The following VGLL4 variants were observed in gnomAD, a reference collection of about 807,000 sequenced individuals.
VGLL4 encodes the protein transcription cofactor vestigial-like protein 4.
Under a neutral mutation model 21.0 loss-of-function variants are expected in VGLL4, and 7 were observed. The observed-to-expected ratio is 0.33, with a 90% CI of 0.19 to 0.63. The LOEUF (loss-of-function observed/expected upper bound fraction) is 0.63, where lower values mean the gene tolerates loss of function less well. Ranked by LOEUF, VGLL4 falls within the 20% of genes least tolerant of loss-of-function variation. VGLL4 has a pLI of 0.78. For synonymous variants in VGLL4, 222 were observed against 173.2 expected, an observed-to-expected ratio of 1.28 and a Z score of -2.21; for missense variants, 394 against 425.7, an observed-to-expected ratio of 0.93 and a Z score of 0.66.
intron 2 of VGLL4, among the ~76,000 whole-genome samples, chr3:11,664,230 T>C (rs879177986): frequency 6.6e-6 from 1 of 151,758 alleles, no homozygotes; most frequent in Non-Finnish European, 1.5e-5. Flanking sequence ...AGATCAAGAG[T>C]CCGTCTCAAA....
At chr3:11,700,384 TA>T (rs1353443661) in intron 2 of VGLL4, among the ~76,000 whole-genome samples, 1 of 152,216 alleles carries the variant, frequency 6.6e-6, no homozygotes, top group Non-Finnish European at 1.5e-5. Context: ...CTACCTTATA[TA>T]AAAACTTCTA....
In VGLL4 at chr3:11,565,070, G is replaced by A; in HGVS notation, c.273-51C>T. 7.0e-7 allele frequency: 1 copy of A among 1,429,220 alleles called. No homozygotes were observed. Among genetic ancestry groups the A allele is most frequent in the Non-Finnish European group, 9.2e-7 (1 of 1,083,390 alleles). The allele number at this position is 1,429,220 out of a possible 1,614,324, so 88.5% of individuals were successfully genotyped here. ...GGGGCGTTTTCTCAAAGGCAAAGGG[G>A]ACAGTGACTGTGCGCCAGGCACTCC... On this transcript the variant is annotated intron_variant, in intron 2 of 4. Coordinates refer to ENST00000430365, the MANE Select transcript of VGLL4 (RefSeq NM_001128219.3). This position sits in a 1 kb window ranked among gnomAD's most constrained non-coding sequence, Gnocchi z 4.1.
rs183198143 is a variant in VGLL4, at chr3:11,599,232, C to T, written c.272+2601G>A. ...CAGAAGGACCTAACCACACGCCAAT[C>T]GCCTTTCCTCCTTACACTGTACACT... On this transcript the variant is annotated intron_variant, in intron 2 of 4. Transcript: ENST00000430365. Among the ~76,000 whole-genome samples, 11 of 152,160 alleles carry T rather than the reference C, an allele frequency of 7.2e-5. No homozygotes were observed. In the East Asian group the frequency reaches 9.7e-4, roughly 13 times the overall value.
intron 2 of VGLL4, among the ~76,000 whole-genome samples, chr3:11,661,033 C>A (rs1419215953): frequency 1.3e-5 from 2 of 152,134 alleles, no homozygotes; most frequent in African/African-American, 4.8e-5. Flanking sequence ...AGCCAAAATT[C>A]TTTACAAAAC....
chr3:11,637,376 C>T (rs999946662), intron 1 of VGLL4, among the ~76,000 whole-genome samples: 11 of 141,872 alleles, frequency 7.8e-5, no homozygotes, highest in Non-Finnish European at 4.6e-5. Flanking sequence ...GAATGGATAA[C>T]AAAATGGTAC....
intron 2 of VGLL4, among the ~76,000 whole-genome samples, chr3:11,566,687 C>T (rs2125140926): frequency 6.6e-6 from 1 of 152,302 alleles, no homozygotes; most frequent in Middle Eastern, 3.4e-3. Flanking sequence ...CCTCCCTCCT[C>T]CCCGTCCTGC....
At position 11,643,910 on chromosome 3, in the gene VGLL4, G is replaced by A. The variant is rs2075745314; in HGVS notation, c.-392C>T. The A allele has an allele frequency of 9.9e-7, 1 of 1,014,196 alleles. No homozygotes were observed. 62.8% of individuals were successfully genotyped at this position (1,014,196 alleles called of 1,614,324 possible). A position where few individuals can be genotyped will look rare whatever the true frequency, so the allele number is the denominator to read the frequency against. ...TGCAAGCCGGCAGCGCTGACATGAG[G>A]GCTATGCTTGGCATGACTCCTATGC... On this transcript the variant is annotated 5_prime_UTR_variant, in exon 1 of 5. Coordinates refer to ENST00000430365, the MANE Select transcript of VGLL4 (RefSeq NM_001128219.3).
chr3:11,564,709 C>A, intron 3 of VGLL4, 88 bp downstream of exon 3: 1 of 1,465,464 alleles, frequency 6.8e-7, no homozygotes, highest in South Asian at 1.2e-5. Context: ...TCACCACCGC[C>A]CTCGGAGTCC....
chr3:11,592,059 T>G (rs2074512564), intron 2 of VGLL4, among the ~76,000 whole-genome samples: 1 of 152,270 alleles, frequency 6.6e-6, no homozygotes, highest in South Asian at 2.1e-4. Flanking sequence ...ATTTCAGCAC[T>G]GACCCTACCA....
chr3:11,703,894 CACA>C (rs1264909353), intron 1 of VGLL4, among the ~76,000 whole-genome samples: 1 of 152,214 alleles, frequency 6.6e-6, no homozygotes, highest in Non-Finnish European at 1.5e-5. Flanking sequence ...ATGCACCGGT[CACA>C]ACATGTGGCA....
chr3:11,561,242 A>G (rs1198473490), intron 3 of VGLL4, among the ~76,000 whole-genome samples: 1 of 152,182 alleles, frequency 6.6e-6, no homozygotes, highest in Admixed American at 6.5e-5. Context: ...TTTCGAGCAC[A>G]GGGAGGGGGA....
chr3:11,659,446 C>T (rs2076005942), intron 2 of VGLL4, among the ~76,000 whole-genome samples: 1 of 151,086 alleles, frequency 6.6e-6, no homozygotes, highest in African/African-American at 2.4e-5. Flanking sequence ...ATTCTCCTGC[C>T]TCAGCCTCCC....
chr3:11,689,548 A>C (rs2076497605), intron 2 of VGLL4, among the ~76,000 whole-genome samples: 1 of 152,216 alleles, frequency 6.6e-6, no homozygotes, highest in South Asian at 2.1e-4. Context: ...AATCTCTTTG[A>C]AGATACCGAC....
rs1559842147 is a variant in VGLL4, at chr3:11,556,625, CG to C, written c.*1930del. 6.0e-5 allele frequency: 9 copies of C among 151,210 alleles called. No individual in the cohort carries two copies. The highest frequency in any genetic ancestry group is 2.2e-4 in the African/African-American group (9 of 40,988). 9.4% of individuals were successfully genotyped at this position (151,210 alleles called of 1,614,324 possible). A position where few individuals can be genotyped will look rare whatever the true frequency, so the allele number is the denominator to read the frequency against. ...AAAAAAAAGATCAACTTTTTTTTTCCGAACAACAAAAAAAATGAATGATTAC... is the reference window on the plus strand; with the variant it reads ...AAAAAAAAGATCAACTTTTTTTTTCCAACAACAAAAAAAATGAATGATTAC... On this transcript the variant is annotated 3_prime_UTR_variant, in exon 5 of 5. Transcript: ENST00000430365.
chr3:11,595,933 T>C (rs2074629714), intron 2 of VGLL4, among the ~76,000 whole-genome samples: 1 of 151,422 alleles, frequency 6.6e-6, no homozygotes, highest in African/African-American at 2.4e-5. Context: ...TGTATACACA[T>C]GTAACTAACC....
intron 2 of VGLL4, among the ~76,000 whole-genome samples, chr3:11,663,180 G>A (rs1261158296): frequency 6.6e-6 from 1 of 152,056 alleles, no homozygotes; most frequent in Non-Finnish European, 1.5e-5. Context: ...AGATAAAGGG[G>A]GCTGGAGGAT....
At chr3:11,672,052 AT>A (rs1191392914) in intron 2 of VGLL4, among the ~76,000 whole-genome samples, 1 of 149,866 alleles carries the variant, frequency 6.7e-6, no homozygotes, top group Admixed American at 6.8e-5. Flanking sequence ...AAGCGGAATA[AT>A]TTTTCTAAAT....
At chr3:11,579,218 A>T (rs536248318) in intron 2 of VGLL4, among the ~76,000 whole-genome samples, 2,703 of 22,874 alleles carry the variant, frequency 0.12, 76 homozygotes, top group African/African-American at 0.21. Context: ...CTAACTTTCT[A>T]AAAAAAAAAA....
chr3:11,659,285 ATTTTCTTTTTTTTTTTCTGTTTTC>A (rs2075999879), intron 2 of VGLL4, among the ~76,000 whole-genome samples: 1 of 107,964 alleles, frequency 9.3e-6, no homozygotes, highest in African/African-American at 3.5e-5. Flanking sequence ...GACAAATCCT[ATTTTCTTTTTTTTTTTCTGTTTTC>A]TTTTCTTTTT....
Sources: allele counts gnomAD v4.1 joint callset (sites outside exome capture counted in the v4.1 genomes callset), GRCh38; gene constraint gnomAD v4.1.1; non-coding constraint Gnocchi (gnomAD v3.1); transcripts MANE v1.5; gene names NCBI Gene and HGNC (gene_info 2026-07-23, HGNC 2026-07-21).